NTRK3: variants seen among roughly 807,000 people sequenced by gnomAD.
NTRK3 encodes neurotrophic receptor tyrosine kinase 3.
NTRK3 carries 24 observed loss-of-function variants against 91.7 expected under a neutral mutation model. The observed-to-expected ratio is 0.26, with a 90% confidence interval of 0.19 to 0.37. The LOEUF is 0.37. Ranked by LOEUF, NTRK3 falls within the 10% of genes least tolerant of loss-of-function variation. NTRK3 has a pLI of 1.00. For synonymous variants in NTRK3, 483 were observed against 404.0 expected (o/e 1.20, Z -2.34); for missense variants, 880 against 1,068.9 (o/e 0.82, Z 2.46).
At chr15:88,168,137 T>C (rs1156638136) in intron 5 of NTRK3, among the ~76,000 whole-genome samples, 1 of 152,180 alleles carries the variant, frequency 6.6e-6, no homozygotes, top group African/African-American at 2.4e-5. Flanking sequence ...CAACTTCTCA[T>C]GGATTAACCA....
At chr15:88,145,537 G>T (rs1055465096) in intron 6 of NTRK3, among the ~76,000 whole-genome samples, 1 of 152,150 alleles carries the variant, frequency 6.6e-6, no homozygotes, top group Admixed American at 6.5e-5. Context: ...ATGATCCTCT[G>T]GGAGAAATCT....
intron 3 of NTRK3, among the ~76,000 whole-genome samples, chr15:88,197,096 A>G (rs1387649652): frequency 1.1e-5 from 1 of 92,362 alleles, no homozygotes; most frequent in Non-Finnish European, 2.0e-5. Context: ...GAGCAGGACA[A>G]AAAAAAAAAA....
chr15:87,936,831 G>A (rs1425640770), intron 15 of NTRK3, among the ~76,000 whole-genome samples: 2 of 152,078 alleles, frequency 1.3e-5, no homozygotes, highest in Non-Finnish European at 2.9e-5. Context: ...ACATACAGGG[G>A]TGCCCCTCTC....
intron 17 of NTRK3, chr15:87,928,626 T>C (rs2068528593): frequency 6.0e-6 from 1 of 166,832 alleles, no homozygotes; most frequent in African/African-American, 2.4e-5. Context: ...ACAGATAACA[T>C]GCTTCCTTTC....
chr15:88,143,475 T>G (rs117483356), intron 6 of NTRK3, among the ~76,000 whole-genome samples: 1 of 152,356 alleles, frequency 6.6e-6, no homozygotes, highest in East Asian at 1.9e-4. Context: ...TTCTATTGTT[T>G]TAAGCCACCA....
At chr15:87,984,809 C>A (rs1044038047) in intron 14 of NTRK3, among the ~76,000 whole-genome samples, 4 of 152,142 alleles carry the variant, frequency 2.6e-5, no homozygotes, top group Non-Finnish European at 5.9e-5. Context: ...ACAGTGATAA[C>A]CCACTGCGGT....
chr15:88,109,633 G>C (rs2051109273), intron 13 of NTRK3, among the ~76,000 whole-genome samples: 1 of 152,138 alleles, frequency 6.6e-6, no homozygotes, highest in East Asian at 1.9e-4. Context: ...AAAGAGGTGG[G>C]GGGCTGGGCG....
chr15:88,211,007 C>G (rs909281444), intron 3 of NTRK3, among the ~76,000 whole-genome samples: 1 of 152,140 alleles, frequency 6.6e-6, no homozygotes, highest in African/African-American at 2.4e-5. Flanking sequence ...AATTAATGCA[C>G]TATTGTTTTA....
At chr15:87,910,279 T>C (rs540088913) in intron 17 of NTRK3, among the ~76,000 whole-genome samples, 4 of 152,308 alleles carry the variant, frequency 2.6e-5, no homozygotes, top group Non-Finnish European at 5.9e-5. Flanking sequence ...GGTTTTGGAC[T>C]GACCAGGCAT....
At chr15:87,881,295 CTT>C (rs2065229848) in intron 17 of NTRK3, among the ~76,000 whole-genome samples, 2 of 152,168 alleles carry the variant, frequency 1.3e-5, no homozygotes, top group Non-Finnish European at 2.9e-5. Flanking sequence ...GGAACTGAAA[CTT>C]TTGCCTAATA....
chr15:87,902,483 TG>T (rs1206899122), intron 17 of NTRK3, among the ~76,000 whole-genome samples: 1 of 152,208 alleles, frequency 6.6e-6, no homozygotes, highest in Non-Finnish European at 1.5e-5. Flanking sequence ...TCTAAGATCA[TG>T]GTCTTGGGCA....
At chr15:88,070,939 G>C (rs2047042859) in intron 13 of NTRK3, among the ~76,000 whole-genome samples, 1 of 152,146 alleles carries the variant, frequency 6.6e-6, no homozygotes, top group South Asian at 2.1e-4. Flanking sequence ...TAGCCCTCTA[G>C]CAGAAAAACA....
chr15:88,174,482 C>T (rs1320074314), intron 5 of NTRK3, among the ~76,000 whole-genome samples: 1 of 152,188 alleles, frequency 6.6e-6, no homozygotes, highest in Non-Finnish European at 1.5e-5. Context: ...GCATATAGTC[C>T]TGACTCAAGC....
chr15:88,019,790 A>G (rs2077481809), intron 14 of NTRK3, among the ~76,000 whole-genome samples: 1 of 152,166 alleles, frequency 6.6e-6, no homozygotes, highest in Non-Finnish European at 1.5e-5. Context: ...GTCCTAATAC[A>G]CTTCATCAGG....
chr15:88,016,589 G>A (rs2141836758), intron 14 of NTRK3, among the ~76,000 whole-genome samples: 1 of 152,322 alleles, frequency 6.6e-6, no homozygotes, highest in Admixed American at 6.5e-5. Context: ...CCCCTCCCAG[G>A]GGCCTCTCAT....
intron 13 of NTRK3, among the ~76,000 whole-genome samples, chr15:88,062,629 A>G (rs1266237219): frequency 6.6e-6 from 1 of 152,252 alleles, no homozygotes; most frequent in Non-Finnish European, 1.5e-5. Context: ...TCACCAAACC[A>G]AAATAAAAAC....
intron 14 of NTRK3, among the ~76,000 whole-genome samples, chr15:87,948,713 T>A (rs1022008617): frequency 6.6e-6 from 1 of 151,952 alleles, no homozygotes; most frequent in African/African-American, 2.4e-5. Flanking sequence ...AAATAAAAAA[T>A]AAAAATGATT....
chr15:88,073,057 G>C, intron 13 of NTRK3: 1 of 193,088 alleles, frequency 5.2e-6, no homozygotes, highest in East Asian at 8.2e-5. Flanking sequence ...GGTGAGACAG[G>C]CTTTGCTCTC....
At chr15:87,936,417 T>C (rs2069282746) in intron 15 of NTRK3, among the ~76,000 whole-genome samples, 1 of 152,074 alleles carries the variant, frequency 6.6e-6, no homozygotes, top group Non-Finnish European at 1.5e-5. Context: ...AGTAAGGCTG[T>C]TTATTTGGAT....
Sources: gnomAD v4.1 joint callset for allele counts (sites outside exome capture counted in the v4.1 genomes callset) on GRCh38, gnomAD v4.1.1 for gene constraint, MANE v1.5 for transcripts, NCBI Gene and HGNC (gene_info 2026-07-23, HGNC 2026-07-21) for gene names.